CAPN3: variants seen among roughly 807,000 people sequenced by gnomAD.
The protein encoded by CAPN3 is calpain 3, also known as calpain-3.
Under a neutral mutation model 114.0 loss-of-function variants are expected in CAPN3, and 88 were observed. That is an observed-to-expected ratio of 0.77 (90% confidence interval 0.65 to 0.92). The LOEUF (loss-of-function observed/expected upper bound fraction) is 0.92, where lower values mean the gene tolerates loss of function less well. Among genes scored for constraint, CAPN3 ranks in the 40% least tolerant of loss-of-function variants. The pLI is 0.00. For missense variants in CAPN3, 1,028 were observed against 1,069.0 expected (o/e 0.96, Z 0.53); for synonymous variants, 386 against 382.9 (o/e 1.01, Z -0.09).
intron 1 of CAPN3, among the ~76,000 whole-genome samples, chr15:42,361,198 G>A (rs1276207860): frequency 6.6e-6 from 1 of 152,184 alleles, no homozygotes; most frequent in African/African-American, 2.4e-5. Flanking sequence ...AGGCATGGTG[G>A]CTCATGCCTA....
intron 6 of CAPN3, 66 bp downstream of exon 6, chr15:42,390,162 G>A (rs1399321971): frequency 6.3e-7 from 1 of 1,575,964 alleles, no homozygotes; most frequent in Non-Finnish European, 8.7e-7. Context: ...CCCTATTAGT[G>A]TCAGACTCCC....
chr15:42,397,747 C>T (rs974269110), intron 9 of CAPN3, among the ~76,000 whole-genome samples: 23 of 152,008 alleles, frequency 1.5e-4, no homozygotes, highest in African/African-American at 4.1e-4. Flanking sequence ...AGACGGGCCT[C>T]GCTATATTTC....
At chr15:42,387,456 T>C (rs1400800815) in intron 3 of CAPN3, among the ~76,000 whole-genome samples, 1 of 152,210 alleles carries the variant, frequency 6.6e-6, no homozygotes, top group Non-Finnish European at 1.5e-5. Flanking sequence ...AGCAGGAGAA[T>C]GAAAATCTTA....
intron 7 of CAPN3, among the ~76,000 whole-genome samples, chr15:42,393,304 A>T (rs920071199): frequency 6.6e-6 from 1 of 152,120 alleles, no homozygotes; most frequent in East Asian, 1.9e-4. Context: ...TTGTATTATT[A>T]TTTTTTCTTT....
At position 42,411,972 on chromosome 15, in the gene CAPN3, G is replaced by T. The variant is rs1260925532; in HGVS notation, c.*199G>T. 1.3e-6 allele frequency: 2 copies of T among 1,513,342 alleles called. No homozygotes were observed. The highest frequency in any genetic ancestry group is 2.8e-5 in the African/African-American group (2 of 72,244). The allele number at this position is 1,513,342 out of a possible 1,614,324, so 93.7% of individuals were successfully genotyped here. ...ATGCCTAGCCTGACCCTTTAGTAAA[G>T]CAATGAGGTAGGAAGAACAAACCCT... On this transcript the variant is annotated 3_prime_UTR_variant, in exon 24 of 24. Coordinates refer to ENST00000397163, the MANE Select transcript of CAPN3 (RefSeq NM_000070.3).
At chr15:42,363,933 T>G (rs2052714974) in intron 1 of CAPN3, among the ~76,000 whole-genome samples, 1 of 152,208 alleles carries the variant, frequency 6.6e-6, no homozygotes, top group Admixed American at 6.5e-5. Context: ...TATCTAATTC[T>G]GAGATTTAGA....
At chr15:42,378,269 G>A (rs867773252) in intron 1 of CAPN3, among the ~76,000 whole-genome samples, 17 of 152,158 alleles carry the variant, frequency 1.1e-4, no homozygotes, top group Non-Finnish European at 2.2e-4. Flanking sequence ...CTATCCTGCC[G>A]TGAGTGATCA....
At chr15:42,364,832 G>A (rs1176199350) in intron 1 of CAPN3, among the ~76,000 whole-genome samples, 2 of 152,194 alleles carry the variant, frequency 1.3e-5, no homozygotes, top group African/African-American at 4.8e-5. Flanking sequence ...ATGCCAGGTG[G>A]AGAGTTCTTA....
intron 2 of CAPN3, 74 bp downstream of exon 2, chr15:42,384,626 G>A: frequency 9.2e-7 from 1 of 1,091,054 alleles, no homozygotes. Flanking sequence ...CCTTCCAGGA[G>A]GTAAAGGGAC....
chr15:42,386,893 T>C (rs1028382001), intron 3 of CAPN3, among the ~76,000 whole-genome samples: 10 of 152,040 alleles, frequency 6.6e-5, no homozygotes, highest in African/African-American at 2.4e-4. Context: ...CCTGTGAGGG[T>C]CTCGTAGCTT....
At chr15:42,402,184 G>A in intron 12 of CAPN3, 49 bp downstream of exon 12, 2 of 1,613,476 alleles carry the variant, frequency 1.2e-6, no homozygotes, top group Non-Finnish European at 1.7e-6. Flanking sequence ...TACCCAGGGG[G>A]CCCCGAGTCT....
chr15:42,402,181 G>T (rs747953786), intron 12 of CAPN3, 46 bp downstream of exon 12: 18 of 1,613,726 alleles, frequency 1.1e-5, no homozygotes, highest in Non-Finnish European at 1.5e-5. Flanking sequence ...CACTACCCAG[G>T]GGGCCCCGAG....
At chr15:42,405,838 C>A in intron 14 of CAPN3, 88 bp from the exon 15 acceptor site, 1 of 1,043,574 alleles carries the variant, frequency 9.6e-7, no homozygotes, top group South Asian at 1.3e-5. Context: ...AGCTAAAGAC[C>A]AGGATACAGG....
At chr15:42,389,768 A>G (rs909926469) in intron 5 of CAPN3, among the ~76,000 whole-genome samples, 185 bp from the exon 6 acceptor site, 3 of 152,048 alleles carry the variant, frequency 2.0e-5, no homozygotes, top group Non-Finnish European at 4.4e-5. Flanking sequence ...TTAGCACACA[A>G]CACCATGGAT....
chr15:42,407,020 C>T (rs1301900413), intron 15 of CAPN3, among the ~76,000 whole-genome samples: 1 of 152,114 alleles, frequency 6.6e-6, no homozygotes, highest in Non-Finnish European at 1.5e-5. Context: ...TTTTCTGCTC[C>T]GAGAGGCTCT....
intron 1 of CAPN3, among the ~76,000 whole-genome samples, chr15:42,367,042 T>C (rs138881559): frequency 0.052 from 7,965 of 151,884 alleles, 645 homozygotes; most frequent in African/African-American, 0.17. Context: ...CCATATTGAC[T>C]AGGCTGGTCT....
intron 2 of CAPN3, 198 bp from the exon 3 acceptor site, chr15:42,385,969 T>A: frequency 1.4e-6 from 1 of 732,940 alleles, no homozygotes; most frequent in Non-Finnish European, 2.5e-6. Context: ...AAGTTACCTG[T>A]TGATCATATT....
chr15:42,399,725 T>G lies in CAPN3; in HGVS notation c.1354+73T>G, dbSNP rs115418070. On this transcript the variant is annotated intron_variant, in intron 10 of 23. Transcript: ENST00000397163. The stretch of plus-strand genomic sequence containing the variant: ...AGGCAGAAGAAGCCTAACTAGTGCT[T>G]ATTAAGTCTCTCTGTTCCAGACGTC... 379 of 1,241,382 alleles carry G rather than the reference T, an allele frequency of 3.1e-4. No individual in the cohort carries two copies. The African/African-American group carries it at 5.3e-3, about 17-fold the overall frequency. 76.9% of individuals were successfully genotyped at this position (1,241,382 alleles called of 1,614,324 possible). A position where few individuals can be genotyped will look rare whatever the true frequency, so the allele number is the denominator to read the frequency against.
At chr15:42,386,348 C>A in intron 3 of CAPN3, 63 bp downstream of exon 3, 1 of 1,120,622 alleles carries the variant, frequency 8.9e-7, no homozygotes, top group South Asian at 1.2e-5. Flanking sequence ...GGTCTCCTGG[C>A]CTTGACTTCC....
Sources: gnomAD v4.1 joint callset for allele counts (sites outside exome capture counted in the v4.1 genomes callset) on GRCh38, gnomAD v4.1.1 for gene constraint, MANE v1.5 for transcripts, NCBI Gene and HGNC (gene_info 2026-07-23, HGNC 2026-07-21) for gene names.